SLC13A4: variants seen among roughly 807,000 people sequenced by gnomAD.
SLC13A4 encodes the protein solute carrier family 13 member 4, also known as Na(+)/sulfate cotransporter SUT-1.
In SLC13A4, 28 loss-of-function variants were observed where a neutral mutation model predicts 72.7. The ratio of observed to expected loss-of-function variants is 0.39; its 90% CI spans 0.29 to 0.53. The LOEUF is 0.53. Ranked by LOEUF, SLC13A4 falls within the 20% of genes least tolerant of loss-of-function variation. SLC13A4 has a pLI of 0.78. For synonymous variants in SLC13A4, 312 were observed against 325.5 expected, an observed-to-expected ratio of 0.96 and a Z score of 0.45; for missense variants, 653 against 788.0, an observed-to-expected ratio of 0.83 and a Z score of 2.05.
chr7:135,690,337 C>T (rs1795752409), intron 13 of SLC13A4, among the ~76,000 whole-genome samples: 1 of 152,024 alleles, frequency 6.6e-6, no homozygotes, highest in African/African-American at 2.4e-5. Context: ...GAAATTCAAT[C>T]ATCCCCTCAC....
At chr7:135,691,169 A>T in intron 13 of SLC13A4, 32 bp downstream of exon 13, 1 of 1,574,576 alleles carries the variant, frequency 6.4e-7, no homozygotes, top group East Asian at 2.3e-5. Context: ...CTCAAAAAAA[A>T]AAACCCCAAA....
intron 4 of SLC13A4, 80 bp downstream of exon 4, chr7:135,706,048 G>C (rs1796153101): frequency 7.0e-7 from 1 of 1,418,726 alleles, no homozygotes; most frequent in African/African-American, 1.4e-5. Flanking sequence ...AAGTTGGGCA[G>C]TCTCCCTAGA....
chr7:135,688,182 G>A (rs1795684052), intron 13 of SLC13A4, among the ~76,000 whole-genome samples: 1 of 151,652 alleles, frequency 6.6e-6, no homozygotes. Flanking sequence ...CACCATGTTG[G>A]CCAGGCTGGT....
At chr7:135,684,403 C>T in intron 14 of SLC13A4, 142 bp from the exon 15 acceptor site, 2 of 899,976 alleles carry the variant, frequency 2.2e-6, no homozygotes, top group Non-Finnish European at 3.2e-6. Context: ...GGTCTCTGCC[C>T]TCTGGGGCAT....
intron 1 of SLC13A4, among the ~76,000 whole-genome samples, chr7:135,726,886 C>T (rs1308675031): frequency 6.6e-6 from 1 of 152,222 alleles, no homozygotes; most frequent in Non-Finnish European, 1.5e-5. Context: ...ATTAGAGCTT[C>T]AACTGTGGTC....
chr7:135,717,783 G>A (rs1299335262), intron 2 of SLC13A4, among the ~76,000 whole-genome samples: 1 of 152,154 alleles, frequency 6.6e-6, no homozygotes, highest in African/African-American at 2.4e-5. Flanking sequence ...TTGAATCAGT[G>A]GATTGCCCTC....
At chr7:135,688,015 G>A (rs531271282) in intron 13 of SLC13A4, among the ~76,000 whole-genome samples, 98 of 147,806 alleles carry the variant, frequency 6.6e-4, no homozygotes, top group Non-Finnish European at 5.4e-4. Context: ...TCACTCTGTC[G>A]CCCAGGCTGG....
chr7:135,689,282 G>T (rs763712371), intron 13 of SLC13A4, among the ~76,000 whole-genome samples: 1 of 152,054 alleles, frequency 6.6e-6, no homozygotes, highest in East Asian at 1.9e-4. Context: ...TAAATATCCC[G>T]AACTTGGAAT....
chr7:135,693,348 A>G (rs1006157872), intron 10 of SLC13A4: 2 of 152,210 alleles, frequency 1.3e-5, no homozygotes, highest in Non-Finnish European at 2.9e-5. Flanking sequence ...GAGTTGAGAA[A>G]GGCAAGGTAT....
chr7:135,687,602 A>T (rs1795662573), intron 13 of SLC13A4, among the ~76,000 whole-genome samples: 1 of 152,098 alleles, frequency 6.6e-6, no homozygotes, highest in Non-Finnish European at 1.5e-5. Flanking sequence ...CAAACCCAAT[A>T]TGTGCAGACT....
chr7:135,725,835 C>T (rs1291812629), intron 1 of SLC13A4, among the ~76,000 whole-genome samples: 1 of 152,106 alleles, frequency 6.6e-6, no homozygotes, highest in African/African-American at 2.4e-5. Flanking sequence ...TGTGGTGGTA[C>T]TTGCTTGCCT....
intron 13 of SLC13A4, among the ~76,000 whole-genome samples, chr7:135,689,427 A>C (rs1235490474): frequency 6.6e-6 from 1 of 152,216 alleles, no homozygotes; most frequent in East Asian, 1.9e-4. Context: ...GCTTTATAAA[A>C]GCTTCCATAA....
intron 5 of SLC13A4, chr7:135,704,762 T>C (rs2129494697): frequency 6.6e-6 from 1 of 152,286 alleles, no homozygotes; most frequent in South Asian, 2.1e-4. Flanking sequence ...TCAAGGGTGA[T>C]GTCATCAAGA....
intron 2 of SLC13A4, among the ~76,000 whole-genome samples, chr7:135,709,374 C>T (rs1796245486): frequency 6.7e-6 from 1 of 150,270 alleles, no homozygotes; most frequent in South Asian, 2.1e-4. Context: ...TTTGGCTGGT[C>T]CTTTACCCCT....
chr7:135,690,517 C>T (rs1292388817), intron 13 of SLC13A4, among the ~76,000 whole-genome samples: 1 of 152,146 alleles, frequency 6.6e-6, no homozygotes, highest in Admixed American at 6.5e-5. Context: ...CAGAGATCGC[C>T]TATTACCACT....
intron 7 of SLC13A4, 36 bp downstream of exon 7, chr7:135,701,644 T>G (rs763450422): frequency 1.3e-6 from 2 of 1,599,426 alleles, no homozygotes; most frequent in Non-Finnish European, 8.6e-7. Context: ...CAGCGTTTCA[T>G]GTAGGAAACA....
At chr7:135,721,564 C>T in intron 1 of SLC13A4, 41 bp from the exon 2 acceptor site, 1 of 1,610,400 alleles carries the variant, frequency 6.2e-7, no homozygotes. Flanking sequence ...CAGGAATAGT[C>T]ACTGCCACTG....
At chr7:135,695,784 A>G (rs922212979) in intron 8 of SLC13A4, among the ~76,000 whole-genome samples, 1 of 152,162 alleles carries the variant, frequency 6.6e-6, no homozygotes. Flanking sequence ...GCCCTTAAAG[A>G]TTCTGCTAAG....
chr7:135,696,673 ACCCCACATCTCT>A (rs1022605619), intron 8 of SLC13A4, among the ~76,000 whole-genome samples: 48 of 151,336 alleles, frequency 3.2e-4, no homozygotes, highest in African/African-American at 1.0e-3. Context: ...TTTTATTATC[ACCCCACATCTCT>A]CCTTCCCTTC....
Sources: gnomAD v4.1 joint callset for allele counts (sites outside exome capture counted in the v4.1 genomes callset) on GRCh38, gnomAD v4.1.1 for gene constraint, MANE v1.5 for transcripts, NCBI Gene and HGNC (gene_info 2026-07-23, HGNC 2026-07-21) for gene names.